SYCE2: variants seen among roughly 807,000 people sequenced by gnomAD.
The protein encoded by SYCE2 is central element synaptonemal complex 1.
In SYCE2, 3 loss-of-function variants were observed where a neutral mutation model predicts 27.9. That is an observed-to-expected ratio of 0.11 (90% CI 0.05 to 0.28). The LOEUF (loss-of-function observed/expected upper bound fraction) is 0.28, where lower values mean the gene tolerates loss of function less well. Among genes scored for constraint, SYCE2 ranks in the 10% least tolerant of loss-of-function variants. The pLI, the probability that SYCE2 is intolerant of heterozygous loss-of-function variation, is 1.00. For missense variants in SYCE2, 207 were observed against 263.5 expected, an observed-to-expected ratio of 0.79 and a Z score of 1.48; for synonymous variants, 85 against 100.7, an observed-to-expected ratio of 0.84 and a Z score of 0.93.
At chr19:12,899,980 T>A (rs1445550700) in intron 5 of SYCE2, 24 bp downstream of exon 5, 2 of 1,612,412 alleles carry the variant, frequency 1.2e-6, no homozygotes, top group Non-Finnish European at 1.7e-6. Context: ...CCCCAAGGTG[T>A]CAGGCCGGTT....
chr19:12,912,311 C>T (rs918505713), intron 2 of SYCE2, among the ~76,000 whole-genome samples: 3 of 151,770 alleles, frequency 2.0e-5, no homozygotes, highest in Non-Finnish European at 2.9e-5. Flanking sequence ...ACATGTCAGC[C>T]TTTGCCTGGA....
intron 2 of SYCE2, among the ~76,000 whole-genome samples, chr19:12,906,630 C>A (rs1246831891): frequency 6.6e-6 from 1 of 152,090 alleles, no homozygotes; most frequent in African/African-American, 2.4e-5. Context: ...GAACTGGGGC[C>A]GGGCGCGGTG....
In SYCE2 at chr19:12,899,091, A is replaced by G. The variant is rs563496118; in HGVS notation, c.*250T>C. ...GAAGCGTGGCCAGGTTGAAAATCAA[A>G]CATTTAATAAACTGTGGGGCTGGGG... On this transcript the variant is annotated 3_prime_UTR_variant, in exon 6 of 6. Coordinates refer to ENST00000293695, the MANE Select transcript of SYCE2 (RefSeq NM_001105578.2). 9.0e-6 allele frequency: 5 copies of G among 552,746 alleles called. No homozygotes were observed. Among genetic ancestry groups the G allele is most frequent in the Non-Finnish European group, 1.3e-5 (4 of 308,332 alleles). The allele number at this position is 552,746 out of a possible 1,614,324, so 34.2% of individuals were successfully genotyped here. A position where few individuals can be genotyped will look rare whatever the true frequency, so the allele number is the denominator to read the frequency against.
rs1007248052 is a variant in SYCE2 at position 12,900,745 on chromosome 19, A to C, written c.307-97T>G. 4.9e-6 allele frequency: 6 copies of C among 1,226,494 alleles called. No individual in the cohort carries two copies. In the African/African-American group the frequency reaches 9.1e-5, roughly 19 times the overall value. 76.0% of individuals were successfully genotyped at this position (1,226,494 alleles called of 1,614,324 possible). On this transcript the variant is annotated intron_variant, in intron 3 of 5. Coordinates refer to ENST00000293695, the MANE Select transcript of SYCE2 (RefSeq NM_001105578.2). ...TTCTTAGATTTCTGCAATTTATCTT[A>C]TGAAAATGACAAAATAGGCTGGGCA... is the stretch of plus-strand genomic sequence containing the variant.
At chr19:12,912,209 T>C (rs1971060646) in intron 2 of SYCE2, among the ~76,000 whole-genome samples, 1 of 151,846 alleles carries the variant, frequency 6.6e-6, no homozygotes. Context: ...GTGCTGGGAT[T>C]ACAGGCGTGA....
chr19:12,913,775 G>A (rs546897403), intron 2 of SYCE2, among the ~76,000 whole-genome samples: 10 of 152,208 alleles, frequency 6.6e-5, no homozygotes, highest in Non-Finnish European at 1.3e-4. Flanking sequence ...CACAGATCCT[G>A]GTCTAAACAT....
chr19:12,907,856 G>GT (rs1970966214), intron 2 of SYCE2, among the ~76,000 whole-genome samples: 1 of 152,124 alleles, frequency 6.6e-6, no homozygotes, highest in Non-Finnish European at 1.5e-5. Context: ...GCTCACGCCT[G>GT]TAATACCAGC....
At position 12,918,328 on chromosome 19, in the gene SYCE2, G is replaced by A. The variant is rs1271311685; in HGVS notation, c.25C>T (p.Pro9Ser). The A allele has an allele frequency of 6.2e-7, 1 of 1,613,980 alleles. No homozygotes were observed. Among genetic ancestry groups the A allele is most frequent in the Non-Finnish European group, 8.5e-7 (1 of 1,179,962 alleles). The change falls in exon 2 of 6, where the codon CCC (proline) becomes TCC (serine). Residue 9 changes from proline to serine, a missense_variant. Pro to Ser is a moderately conservative substitution (Grantham distance 74). Coordinates refer to ENST00000293695, the MANE Select transcript of SYCE2 (RefSeq NM_001105578.2). Reference sequence around the variant, plus strand: ...TCCTGGTCTTTGCATTTCACATGGGGCACGTCCACCTGCAAGCACAGTCAG... The same window carrying A: ...TCCTGGTCTTTGCATTTCACATGGGACACGTCCACCTGCAAGCACAGTCAG... MERQGVDVPHVKCKDQEPQ... is the reference protein window; with the variant it reads MERQGVDVSHVKCKDQEPQ...
At chr19:12,904,321 T>C (rs1416764964) in intron 3 of SYCE2, among the ~76,000 whole-genome samples, 171 bp downstream of exon 3, 5 of 152,166 alleles carry the variant, frequency 3.3e-5, no homozygotes, top group Non-Finnish European at 7.4e-5. Flanking sequence ...TTACAGCATT[T>C]TCAACTCACA....
intron 3 of SYCE2, among the ~76,000 whole-genome samples, chr19:12,903,047 A>G (rs542504234): frequency 1.3e-5 from 2 of 151,368 alleles, no homozygotes; most frequent in Admixed American, 6.6e-5. Context: ...CAAAAAAAAA[A>G]AAAAAAGAAA....
chr19:12,899,814 AGAG>A (rs1488749519), intron 5 of SYCE2, 187 bp downstream of exon 5: 8 of 1,582,708 alleles, frequency 5.1e-6, no homozygotes, highest in Non-Finnish European at 1.7e-6. Flanking sequence ...GCTTCTCTTG[AGAG>A]GAGAGTGACA....
chr19:12,905,056 G>T (rs181035081), intron 2 of SYCE2, among the ~76,000 whole-genome samples: 9 of 151,872 alleles, frequency 5.9e-5, no homozygotes, highest in Admixed American at 4.6e-4. Context: ...TTCCAAGAGC[G>T]GCTGATCTGA....
chr19:12,899,557 G>A (rs752597817), intron 5 of SYCE2, 172 bp from the exon 6 acceptor site: 2 of 1,614,104 alleles, frequency 1.2e-6, no homozygotes, highest in Non-Finnish European at 8.5e-7. Flanking sequence ...TCCATCAGGG[G>A]CCCGAAACTC....
intron 2 of SYCE2, among the ~76,000 whole-genome samples, chr19:12,907,324 C>T (rs1265999088): frequency 1.3e-5 from 2 of 152,214 alleles, no homozygotes; most frequent in African/African-American, 2.4e-5. Flanking sequence ...CAGCTGGTAT[C>T]CTGCTTCCTA....
Position 12,904,562 on chromosome 19 carries a change from T to C in SYCE2, c.236A>G (p.Glu79Gly), listed in dbSNP as rs769229849. The stretch of plus-strand genomic sequence containing the variant: ...CTTTTGCCGGCTCTTGTTGATGTTT[T>C]CGATCAGCTCCTGGGCTCTCTTCTG... Reference protein sequence around the residue: ...ILQKRAQELIENINKSRQKDH... With the variant: ...ILQKRAQELIGNINKSRQKDH... Residue 79 changes from glutamate (E) to glycine (G), a missense_variant, in exon 3 of 6, where the codon GAA becomes GGA. Glu to Gly is a moderately conservative substitution (Grantham distance 98). Transcript: ENST00000293695. The C allele has an allele frequency of 6.2e-7, 1 of 1,614,148 alleles. No individual in the cohort carries two copies. Among genetic ancestry groups the C allele is most frequent in the Non-Finnish European group, 8.5e-7 (1 of 1,180,034 alleles).
chr19:12,903,743 C>T (rs1022452152), intron 3 of SYCE2, among the ~76,000 whole-genome samples: 2 of 151,832 alleles, frequency 1.3e-5, no homozygotes, highest in Non-Finnish European at 2.9e-5. Context: ...CAGTGCCGTG[C>T]AGAGCCACTG....
At chr19:12,904,935 A>T (rs1970905161) in intron 2 of SYCE2, among the ~76,000 whole-genome samples, 1 of 151,210 alleles carries the variant, frequency 6.6e-6, no homozygotes, top group Non-Finnish European at 1.5e-5. Context: ...AACCCAGGGG[A>T]TGAAGTTGCA....
rs978314667 is a variant in SYCE2 at position 12,918,323 on chromosome 19, A to G, written c.30T>C (p.His10=). The G allele has an allele frequency of 1.4e-5, 22 of 1,613,940 alleles. No homozygotes were observed. Among genetic ancestry groups the G allele is most frequent in the African/African-American group, 4.0e-5 (3 of 74,880 alleles). Residue 10 remains histidine, a synonymous_variant, in exon 2 of 6, where the codon CAT becomes CAC. Transcript: ENST00000293695. ...GCGGTTCCTGGTCTTTGCATTTCAC[A>G]TGGGGCACGTCCACCTGCAAGCACA... is the stretch of plus-strand genomic sequence containing the variant. MERQGVDVP[H]VKCKDQEPQP... is the part of the protein sequence containing the mutation.
intron 2 of SYCE2, among the ~76,000 whole-genome samples, chr19:12,917,323 G>C (rs1238287988): frequency 6.6e-6 from 1 of 152,100 alleles, no homozygotes; most frequent in Non-Finnish European, 1.5e-5. Context: ...CAAAGTGCTG[G>C]GATTACAGGC....
Sources: gnomAD v4.1 joint callset for allele counts (sites outside exome capture counted in the v4.1 genomes callset) on GRCh38, gnomAD v4.1.1 for gene constraint, MANE v1.5 for transcripts, NCBI Gene and HGNC (gene_info 2026-07-23, HGNC 2026-07-21) for gene names.